CTTNBP2: variants seen among roughly 807,000 people sequenced by gnomAD.
CTTNBP2 encodes the protein cortactin binding protein 2, also known as cortactin-binding protein 2.
A neutral mutation model predicts 156.9 loss-of-function variants in CTTNBP2; 108 were observed. That is an observed-to-expected ratio of 0.69 (90% CI 0.59 to 0.81). CTTNBP2 has a LOEUF of 0.81. CTTNBP2 is among the 30% of genes least tolerant of loss of function. The probability of loss-of-function intolerance (pLI) is 0.00; values close to 1 mark genes in which losing one functional copy is unlikely to be tolerated. For missense variants in CTTNBP2, 1,924 were observed against 2,035.4 expected, an observed-to-expected ratio of 0.95 and a Z score of 1.05; for synonymous variants, 767 against 751.8, an observed-to-expected ratio of 1.02 and a Z score of -0.33.
At chr7:117,859,297 G>A (rs1803548720) in intron 2 of CTTNBP2, among the ~76,000 whole-genome samples, 1 of 152,164 alleles carries the variant, frequency 6.6e-6, no homozygotes, top group South Asian at 2.1e-4. Flanking sequence ...CATTCGGCAA[G>A]TGCTGATTAT....
chr7:117,740,631 C>T (rs920319786), intron 14 of CTTNBP2, among the ~76,000 whole-genome samples: 2 of 152,188 alleles, frequency 1.3e-5, no homozygotes, highest in South Asian at 4.1e-4. Context: ...CCTATATGCT[C>T]ATTATTCTAA....
At chr7:117,815,324 T>C (rs922715823) in intron 2 of CTTNBP2, among the ~76,000 whole-genome samples, 9 of 152,306 alleles carry the variant, frequency 5.9e-5, no homozygotes, top group Admixed American at 5.2e-4. Context: ...ATAATATGAA[T>C]GCAGTGCACT....
chr7:117,728,399 T>A (rs1584905964), intron 16 of CTTNBP2, 132 bp from the exon 17 acceptor site: 4 of 675,572 alleles, frequency 5.9e-6, no homozygotes, highest in Non-Finnish European at 1.0e-5. Flanking sequence ...TTACTTGGGA[T>A]GGCTGAAGGA....
Position 117,810,829 on chromosome 7 carries a change from T to G in CTTNBP2, c.350A>C (p.His117Pro), listed in dbSNP as rs752104101. 12 of 1,614,060 alleles carry G rather than the reference T, an allele frequency of 7.4e-6. No homozygotes were observed. The South Asian group carries it at 1.2e-4, about 16-fold the overall frequency. Reference sequence around the variant, plus strand: ...CATCCTTTCTTGCATTTTCTTGCAGTGGGCCATGACTGCTTCAAGGATGGA... The same window carrying G: ...CATCCTTTCTTGCATTTTCTTGCAGGGGGCCATGACTGCTTCAAGGATGGA... Reference protein sequence around the residue: ...PLSILEAVMAHCKKMQERMSA... With the variant: ...PLSILEAVMAPCKKMQERMSA... The change falls in exon 3 of 23, where the codon CAC (histidine) becomes CCC (proline). Residue 117 changes from histidine (H) to proline (P), a missense_variant. By Grantham distance (77) the His-to-Pro change is moderately conservative. Transcript: ENST00000160373.
At position 117,791,497 on chromosome 7, in the gene CTTNBP2, T is replaced by G. The variant is rs1799007345; in HGVS notation, c.1699A>C (p.Ile567Leu). Reference sequence around the variant, plus strand: ...GTGTTCGAGGCCCTGCTGCTGTCTATAATAACCTTGAGTTGGGGGTGTGGT... The same window carrying G: ...GTGTTCGAGGCCCTGCTGCTGTCTAGAATAACCTTGAGTTGGGGGTGTGGT... ...SPPHPQLKVI[I>L]DSSRASNTGA... Residue 567 changes from isoleucine (I) to leucine (L), a missense_variant, in exon 4 of 23, where the codon ATA (isoleucine) becomes CTA (leucine). By Grantham distance (5) the Ile-to-Leu change is conservative (BLOSUM62 2). Coordinates refer to ENST00000160373, the MANE Select transcript of CTTNBP2 (RefSeq NM_033427.3). 6.2e-7 allele frequency: 1 copy of G among 1,614,190 alleles called. No individual in the cohort carries two copies. Among genetic ancestry groups the G allele is most frequent in the Non-Finnish European group, 8.5e-7 (1 of 1,179,998 alleles).
chr7:117,722,377 A>C (rs1354321620), intron 19 of CTTNBP2, among the ~76,000 whole-genome samples: 2 of 152,104 alleles, frequency 1.3e-5, no homozygotes, highest in Non-Finnish European at 1.5e-5. Context: ...CATGGTTTCT[A>C]ACCCAACTAC....
intron 12 of CTTNBP2, among the ~76,000 whole-genome samples, chr7:117,751,616 A>G (rs1796623539): frequency 6.6e-6 from 1 of 152,242 alleles, no homozygotes; most frequent in African/African-American, 2.4e-5. Flanking sequence ...GGTAGAAAGC[A>G]TTTTAATCAT....
At chr7:117,763,441 C>T (rs1226366618) in intron 9 of CTTNBP2, among the ~76,000 whole-genome samples, 4 of 151,998 alleles carry the variant, frequency 2.6e-5, no homozygotes, top group Non-Finnish European at 5.9e-5. Context: ...ATGCAATCGA[C>T]TCTTTTTAAT....
intron 2 of CTTNBP2, among the ~76,000 whole-genome samples, chr7:117,855,520 CTTG>C (rs1309764495): frequency 6.6e-6 from 1 of 152,140 alleles, no homozygotes; most frequent in Non-Finnish European, 1.5e-5. Context: ...GAGAGACCTT[CTTG>C]TTGTCACAAC....
At chr7:117,857,162 C>G (rs1196470486) in intron 2 of CTTNBP2, among the ~76,000 whole-genome samples, 1 of 152,086 alleles carries the variant, frequency 6.6e-6, no homozygotes, top group Non-Finnish European at 1.5e-5. Context: ...AGATTTATTC[C>G]TACTCTATGT....
intron 9 of CTTNBP2, among the ~76,000 whole-genome samples, 165 bp from the exon 10 acceptor site, chr7:117,760,875 T>A (rs1797173199): frequency 6.6e-6 from 1 of 152,170 alleles, no homozygotes; most frequent in Admixed American, 6.6e-5. Flanking sequence ...TGGAGTAAAC[T>A]TTTGTCTCCC....
At chr7:117,771,362 G>C (rs1797786798) in intron 8 of CTTNBP2, among the ~76,000 whole-genome samples, 1 of 152,212 alleles carries the variant, frequency 6.6e-6, no homozygotes. Context: ...CTCAAGTGCT[G>C]AGAACAGCCT....
intron 1 of CTTNBP2, among the ~76,000 whole-genome samples, chr7:117,863,020 T>C (rs1419638024): frequency 6.6e-6 from 1 of 152,218 alleles, no homozygotes; most frequent in Non-Finnish European, 1.5e-5. Flanking sequence ...TGAACACTGG[T>C]CTATTTCTGT....
In CTTNBP2 at chr7:117,861,314, T is replaced by C; in HGVS notation, c.84A>G (p.Lys28=). 1 of 1,605,244 alleles carries C rather than the reference T, an allele frequency of 6.2e-7. No individual in the cohort carries two copies. The highest frequency in any genetic ancestry group is 2.2e-5 in the East Asian group (1 of 44,830). The change falls in exon 2 of 23, where the codon AAA becomes AAG. Residue 28 remains lysine, a splice_region_variant and synonymous_variant. Coordinates refer to ENST00000160373, the MANE Select transcript of CTTNBP2 (RefSeq NM_033427.3). The part of the protein sequence containing the change: ...DAAGAAAEAA[K]KEFDVDTLSK... ...TGAGAGTATCCACATCAAACTCTTT[T>C]TTCTGTAACACATAAAAAAATAAGG...
rs116051701 is a variant in CTTNBP2 at position 117,838,752 on chromosome 7, G to T, written c.189+22457C>A. Among the ~76,000 whole-genome samples the T allele has an allele frequency of 1.3e-3, 205 of 152,100 alleles. 2 individuals are homozygous for T. The highest frequency in any genetic ancestry group is 4.6e-3 in the African/African-American group (190 of 41,480). On this transcript the variant is annotated intron_variant, in intron 2 of 22. Transcript: ENST00000160373. The stretch of plus-strand genomic sequence containing the variant: ...CTTTACAAAAATGTTAACACAAATA[G>T]TGGCATATAAAATACTGAAAGAAAC...
At position 117,745,872 on chromosome 7, in the gene CTTNBP2, C is replaced by G. The variant is rs749681131; in HGVS notation, c.3494G>C (p.Gly1165Ala). 6.2e-7 allele frequency: 1 copy of G among 1,613,984 alleles called. No individual in the cohort carries two copies. The highest frequency in any genetic ancestry group is 2.2e-5 in the East Asian group (1 of 44,882). Residue 1165 changes from glycine to alanine, a missense_variant, in exon 14 of 23, where the codon GGT becomes GCT. Physicochemically the swap from Gly to Ala is moderately conservative, Grantham distance 60 (BLOSUM62 0). Transcript: ENST00000160373. Reference sequence around the variant, plus strand: ...GTCTAGTAGCTGTTCCTTGGAAAAACCAGCATCTACTTCAGCTCTCACTAT... The same window carrying G: ...GTCTAGTAGCTGTTCCTTGGAAAAAGCAGCATCTACTTCAGCTCTCACTAT... The part of the protein sequence containing the change: ...CEIVRAEVDA[G>A]FSKEQLLDLF...
Position 117,764,837 on chromosome 7 carries a change from C to G in CTTNBP2, c.2896+2222G>C, listed in dbSNP as rs566647615. On this transcript the variant is annotated intron_variant, in intron 9 of 22. Coordinates refer to ENST00000160373, the MANE Select transcript of CTTNBP2 (RefSeq NM_033427.3). ...CTGATACACACATGCAAGAGTACTT[C>G]TAGCTATGTGCTTAGGCGAGGAGTA... Among the ~76,000 whole-genome samples, 4 of 152,330 alleles carry G rather than the reference C, an allele frequency of 2.6e-5. No individual in the cohort carries two copies. The South Asian group carries it at 8.3e-4, about 32-fold the overall frequency.
chr7:117,717,273 T>C (rs907685910), intron 22 of CTTNBP2, among the ~76,000 whole-genome samples: 1 of 152,192 alleles, frequency 6.6e-6, no homozygotes, highest in Non-Finnish European at 1.5e-5. Flanking sequence ...TAAAGTCTCA[T>C]TGAAATGTAA....
At chr7:117,752,387 G>C (rs999896483) in intron 12 of CTTNBP2, among the ~76,000 whole-genome samples, 49 of 152,146 alleles carry the variant, frequency 3.2e-4, no homozygotes, top group African/African-American at 1.1e-3. Context: ...AACAAAAATT[G>C]CAACTGGCTA....
Sources: allele counts gnomAD v4.1 joint callset (sites outside exome capture counted in the v4.1 genomes callset), GRCh38; gene constraint gnomAD v4.1.1; transcripts MANE v1.5; gene names NCBI Gene and HGNC (gene_info 2026-07-23, HGNC 2026-07-21).